Variants in PITPNC1 observed in about 807,000 individuals in gnomAD.
The protein encoded by PITPNC1 is cytoplasmic phosphatidylinositol transfer protein 1.
PITPNC1 carries 18 observed loss-of-function variants against 44.7 expected under a neutral mutation model. That is an observed-to-expected ratio of 0.40 (90% CI 0.28 to 0.60). The LOEUF (loss-of-function observed/expected upper bound fraction) is 0.60, where lower values mean the gene tolerates loss of function less well. PITPNC1 is among the 20% of genes least tolerant of loss of function. The pLI is 0.39. For missense variants in PITPNC1, 290 were observed against 418.4 expected (o/e 0.69, Z 2.68); for synonymous variants, 141 against 149.6 (o/e 0.94, Z 0.42).
chr17:67,497,529 CTT>C (rs34364657), intron 1 of PITPNC1, among the ~76,000 whole-genome samples: 1 of 87,502 alleles, frequency 1.1e-5, no homozygotes, highest in Non-Finnish European at 2.1e-5. Flanking sequence ...TTGTTCGTGT[CTT>C]TTTTTTTTTT....
chr17:67,531,864 C>T (rs1001448042), intron 1 of PITPNC1, among the ~76,000 whole-genome samples: 1 of 152,138 alleles, frequency 6.6e-6, no homozygotes, highest in Non-Finnish European at 1.5e-5. Context: ...GGTTGTACCT[C>T]ATGCAAAAGT....
intron 1 of PITPNC1, among the ~76,000 whole-genome samples, chr17:67,495,879 C>A (rs1365981929): frequency 2.0e-5 from 3 of 152,194 alleles, no homozygotes; most frequent in Non-Finnish European, 2.9e-5. Context: ...TGTTGTCACG[C>A]TGACATGAAT....
chr17:67,648,409 G>A (rs1241404944), intron 6 of PITPNC1, among the ~76,000 whole-genome samples: 1 of 152,210 alleles, frequency 6.6e-6, no homozygotes, highest in Non-Finnish European at 1.5e-5. Flanking sequence ...GTTCTAATAA[G>A]CTCCCTTTAT....
intron 7 of PITPNC1, among the ~76,000 whole-genome samples, chr17:67,673,886 G>T (rs1354930883): frequency 1.3e-5 from 2 of 149,476 alleles, no homozygotes; most frequent in African/African-American, 5.0e-5. Flanking sequence ...GGGAAGCGGA[G>T]GTTACAGTGA....
intron 3 of PITPNC1, chr17:67,553,392 T>G (rs1260843486): frequency 5.1e-5 from 19 of 369,674 alleles, no homozygotes; most frequent in Non-Finnish European, 3.9e-5. Context: ...CTTGTCTTAC[T>G]GTTCTTATCT....
chr17:67,552,171 T>G, intron 2 of PITPNC1, 86 bp from the exon 3 acceptor site: 1 of 762,686 alleles, frequency 1.3e-6, no homozygotes, highest in Admixed American at 1.8e-5. Context: ...CCCCCTGATT[T>G]CTCCAGCATT....
intron 1 of PITPNC1, among the ~76,000 whole-genome samples, chr17:67,521,874 G>A (rs749278673): frequency 1.5e-4 from 23 of 152,290 alleles, no homozygotes; most frequent in Middle Eastern, 3.4e-3. Context: ...CATTGAGACC[G>A]GATCAGAACT....
At chr17:67,563,994 ATAGATTAGC>A (rs1274489172) in intron 4 of PITPNC1, among the ~76,000 whole-genome samples, 2 of 152,036 alleles carry the variant, frequency 1.3e-5, no homozygotes, top group African/African-American at 4.8e-5. Flanking sequence ...AGATGGATAG[ATAGATTAGC>A]TAGATTAAGT....
chr17:67,686,126 T>C (rs1398245098), intron 8 of PITPNC1, among the ~76,000 whole-genome samples: 1 of 151,666 alleles, frequency 6.6e-6, no homozygotes, highest in Non-Finnish European at 1.5e-5. Flanking sequence ...CCACCATGCC[T>C]GGCCTGAACA....
At chr17:67,425,186 TGC>T (rs1386197600) in intron 1 of PITPNC1, among the ~76,000 whole-genome samples, 10 of 55,718 alleles carry the variant, frequency 1.8e-4, no homozygotes, top group Middle Eastern at 8.8e-3. Flanking sequence ...AGCCATGTTG[TGC>T]GCGCGCACGC....
At chr17:67,655,204 CT>C (rs920364113) in intron 6 of PITPNC1, among the ~76,000 whole-genome samples, 3 of 152,154 alleles carry the variant, frequency 2.0e-5, no homozygotes, top group Non-Finnish European at 1.5e-5. Context: ...GATGGCGCCC[CT>C]CTCACTGTGT....
chr17:67,612,033 T>C (rs760261212), intron 5 of PITPNC1: 1 of 152,226 alleles, frequency 6.6e-6, no homozygotes, highest in Non-Finnish European at 1.5e-5. Context: ...CTGAATGTTA[T>C]TCAAAATCTA....
intron 8 of PITPNC1, among the ~76,000 whole-genome samples, chr17:67,690,529 A>T (rs1458215791): frequency 6.6e-6 from 1 of 152,146 alleles, no homozygotes; most frequent in Non-Finnish European, 1.5e-5. Flanking sequence ...AGTATTTCCA[A>T]AGTGGCTATA....
At chr17:67,563,928 T>C (rs915288650) in intron 4 of PITPNC1, among the ~76,000 whole-genome samples, 2 of 152,078 alleles carry the variant, frequency 1.3e-5, no homozygotes, top group Non-Finnish European at 2.9e-5. Flanking sequence ...ATTAGATATG[T>C]AGATTAGATA....
rs778571113 is a variant in PITPNC1 at position 67,696,736 on chromosome 17, T to C, written c.*3848T>C. 8 of 152,276 alleles carry C rather than the reference T, an allele frequency of 5.3e-5. No individual in the cohort carries two copies. Among genetic ancestry groups the C allele is most frequent in the Non-Finnish European group, 1.2e-4 (8 of 68,054 alleles). The allele number at this position is 152,276 out of a possible 1,614,324, so 9.4% of individuals were successfully genotyped here. A position where few individuals can be genotyped will look rare whatever the true frequency, so the allele number is the denominator to read the frequency against. On this transcript the variant is annotated 3_prime_UTR_variant, in exon 9 of 9. Transcript: ENST00000581322. ...CTACCTTCAAAACAATCTGTTTGCATTTGAAATATAAGTGTTTAAGCTTTT... is the reference window on the plus strand; with the variant it reads ...CTACCTTCAAAACAATCTGTTTGCACTTGAAATATAAGTGTTTAAGCTTTT...
chr17:67,618,936 G>T (rs924159868), intron 5 of PITPNC1, among the ~76,000 whole-genome samples: 7 of 151,824 alleles, frequency 4.6e-5, no homozygotes, highest in South Asian at 2.1e-4. Flanking sequence ...GCAGGTGCTT[G>T]TAGTCCCAGC....
intron 1 of PITPNC1, among the ~76,000 whole-genome samples, chr17:67,500,852 A>C (rs2040017409): frequency 6.7e-6 from 1 of 150,278 alleles, no homozygotes; most frequent in African/African-American, 2.5e-5. Flanking sequence ...CACTTGACAA[A>C]ATTTTTTTTT....
intron 5 of PITPNC1, among the ~76,000 whole-genome samples, chr17:67,616,978 G>GA (rs993882697): frequency 5.9e-5 from 9 of 151,806 alleles, no homozygotes; most frequent in African/African-American, 9.7e-5. Context: ...GGTGGGCAGA[G>GA]AAAAAAAAGG....
At chr17:67,403,706 A>G (rs548772207) in intron 1 of PITPNC1, among the ~76,000 whole-genome samples, 101 of 152,296 alleles carry the variant, frequency 6.6e-4, no homozygotes, top group African/African-American at 2.3e-3. Context: ...TACCCCCATC[A>G]TTAATGGCAG....
Sources: gnomAD v4.1 joint callset for allele counts (sites outside exome capture counted in the v4.1 genomes callset) on GRCh38, gnomAD v4.1.1 for gene constraint, MANE v1.5 for transcripts, NCBI Gene and HGNC (gene_info 2026-07-23, HGNC 2026-07-21) for gene names.